Variants in GPRIN3 observed in about 807,000 individuals in gnomAD.
The protein encoded by GPRIN3 is G protein-regulated inducer of neurite outgrowth 3.
A neutral mutation model predicts 13.7 loss-of-function variants in GPRIN3; 12 were observed. The ratio of observed to expected loss-of-function variants is 0.87; its 90% CI spans 0.56 to 1.42. The LOEUF (loss-of-function observed/expected upper bound fraction) is 1.42. GPRIN3 is among the 40% of genes most tolerant of loss of function. The pLI is 0.00. For synonymous variants in GPRIN3, 377 were observed against 372.7 expected, an observed-to-expected ratio of 1.01 and a Z score of -0.13; for missense variants, 1,009 against 958.7, an observed-to-expected ratio of 1.05 and a Z score of -0.69.
chr4:89,272,553 T>A (rs376972086), intron 1 of GPRIN3, among the ~76,000 whole-genome samples: 12 of 152,344 alleles, frequency 7.9e-5, no homozygotes, highest in African/African-American at 2.9e-4. Flanking sequence ...TCTGAATTTG[T>A]TTGGTACTTT....
rs34315702 is a variant in GPRIN3 at position 89,300,334 on chromosome 4, T to A, written c.-124+7281A>T. ...GTTGGGCACAAGTGACTTATATAAA[T>A]GCTCAATGTCAGTGAGACATTGAGA... On this transcript the variant is annotated intron_variant, in intron 1 of 1. Transcript: ENST00000609438. 5.4e-3 allele frequency among the ~76,000 whole-genome samples: 822 copies of A among 152,210 alleles called. 3 individuals are homozygous for A. The highest frequency in any genetic ancestry group is 9.6e-3 in the Non-Finnish European group (653 of 68,002).
intron 1 of GPRIN3, among the ~76,000 whole-genome samples, chr4:89,258,646 T>G (rs927942048): frequency 1.3e-5 from 2 of 152,222 alleles, no homozygotes; most frequent in African/African-American, 4.8e-5. Flanking sequence ...TGACTCCACT[T>G]GGATTCCCTC....
Position 89,238,337 on chromosome 4 carries a change from G to A in GPRIN3, c.*9443C>T, listed in dbSNP as rs2149244262. On this transcript the variant is annotated 3_prime_UTR_variant, in exon 2 of 2. Transcript: ENST00000609438. ...TAGTGCTAGTTTTACTACTGGTCAAGTCAAACTGGGGATATGGCTGGGCTT... is the reference window on the plus strand; with the variant it reads ...TAGTGCTAGTTTTACTACTGGTCAAATCAAACTGGGGATATGGCTGGGCTT... The A allele has an allele frequency of 6.6e-6, 1 of 152,298 alleles. No individual in the cohort carries two copies. Among genetic ancestry groups the A allele is most frequent in the African/African-American group, 2.4e-5 (1 of 41,550 alleles). The allele number at this position is 152,298 out of a possible 1,614,324, so 9.4% of individuals were successfully genotyped here. A position where few individuals can be genotyped will look rare whatever the true frequency, so the allele number is the denominator to read the frequency against.
At chr4:89,275,410 A>G (rs546551498) in intron 1 of GPRIN3, among the ~76,000 whole-genome samples, 53 of 152,228 alleles carry the variant, frequency 3.5e-4, no homozygotes, top group Non-Finnish European at 5.7e-4. Flanking sequence ...GTCGAGAGCC[A>G]GCAGCCACTC....
rs1244868558 is a variant in GPRIN3 at position 89,240,865 on chromosome 4, T to C, written c.*6915A>G. ...GTGCCTATATATGTGGATAAGCTAT[T>C]TACATTTTTATGTGTAGAAAATGAA... On this transcript the variant is annotated 3_prime_UTR_variant, in exon 2 of 2. Coordinates refer to ENST00000609438, the MANE Select transcript of GPRIN3 (RefSeq NM_198281.3). The C allele has an allele frequency of 6.6e-6, 1 of 152,230 alleles. No individual in the cohort carries two copies. The highest frequency in any genetic ancestry group is 1.5e-5 in the Non-Finnish European group (1 of 68,038). 9.4% of individuals were successfully genotyped at this position (152,230 alleles called of 1,614,324 possible). A position where few individuals can be genotyped will look rare whatever the true frequency, so the allele number is the denominator to read the frequency against.
intron 1 of GPRIN3, among the ~76,000 whole-genome samples, chr4:89,266,673 C>T (rs1181696437): frequency 6.6e-6 from 1 of 152,076 alleles, no homozygotes; most frequent in Non-Finnish European, 1.5e-5. Flanking sequence ...AACTGCATCT[C>T]CCTATTGTAA....
Position 89,236,477 on chromosome 4 carries a change from AG to A in GPRIN3, c.*11302del, listed in dbSNP as rs1722799011. ...AATTGAGTGGTAAAGTTCAAGTGGA[AG>A]AAAGCAAAACTCAGAGGAGTAAGAG... On this transcript the variant is annotated 3_prime_UTR_variant, in exon 2 of 2. Coordinates refer to ENST00000609438, the MANE Select transcript of GPRIN3 (RefSeq NM_198281.3). The A allele has an allele frequency of 6.6e-6, 1 of 152,250 alleles. No homozygotes were observed. The highest frequency in any genetic ancestry group is 6.5e-5 in the Admixed American group (1 of 15,282). The allele number at this position is 152,250 out of a possible 1,614,324, so 9.4% of individuals were successfully genotyped here. A position where few individuals can be genotyped will look rare whatever the true frequency, so the allele number is the denominator to read the frequency against.
chr4:89,297,869 T>C (rs966852839), intron 1 of GPRIN3, among the ~76,000 whole-genome samples: 5 of 152,180 alleles, frequency 3.3e-5, no homozygotes, highest in African/African-American at 1.2e-4. Context: ...TAAGCAATTA[T>C]CTAAAACAGC....
intron 1 of GPRIN3, among the ~76,000 whole-genome samples, chr4:89,254,027 TC>T (rs1723401224): frequency 6.6e-6 from 1 of 151,886 alleles, no homozygotes; most frequent in Non-Finnish European, 1.5e-5. Flanking sequence ...TCAACCAGAG[TC>T]CATTATGGTA....
chr4:89,287,494 G>GA (rs1724455541), intron 1 of GPRIN3, among the ~76,000 whole-genome samples: 1 of 152,186 alleles, frequency 6.6e-6, no homozygotes, highest in South Asian at 2.1e-4. Flanking sequence ...TGGGCAGAGG[G>GA]AAGAGGCTAA....
intron 1 of GPRIN3, among the ~76,000 whole-genome samples, chr4:89,270,318 G>C (rs1478091291): frequency 3.5e-5 from 5 of 141,294 alleles, no homozygotes; most frequent in Non-Finnish European, 6.1e-5. Context: ...TCTCTTTTAT[G>C]GCAAAACAAA....
rs921649698 is a variant in GPRIN3, at chr4:89,237,228, G to A, written c.*10552C>T. Reference sequence around the variant, plus strand: ...GATATATTTAGAAAAACCAGCTTCAGAACATTGCTAAGGTAGTTACAAGGG... The same window carrying A: ...GATATATTTAGAAAAACCAGCTTCAAAACATTGCTAAGGTAGTTACAAGGG... On this transcript the variant is annotated 3_prime_UTR_variant, in exon 2 of 2. Transcript: ENST00000609438. The A allele has an allele frequency of 1.3e-5, 2 of 152,200 alleles. No individual in the cohort carries two copies. The highest frequency in any genetic ancestry group is 1.3e-4 in the Admixed American group (2 of 15,274). 9.4% of individuals were successfully genotyped at this position (152,200 alleles called of 1,614,324 possible). A position where few individuals can be genotyped will look rare whatever the true frequency, so the allele number is the denominator to read the frequency against.
chr4:89,249,812 GGATTGCC>G lies in GPRIN3; in HGVS notation c.292_298del (p.Gly98ProfsTer27). On this transcript the variant is annotated frameshift_variant, in exon 2 of 2. Coordinates refer to ENST00000609438, the MANE Select transcript of GPRIN3 (RefSeq NM_198281.3). LOFTEE classifies it low-confidence loss of function (END_TRUNC). ...GGGCTGGCTGCTCCCTGGCAGCTGG[GGATTGCC>G]GGGAGAGTTGAATGTGGCAGGTGCT... The G allele has an allele frequency of 6.2e-7, 1 of 1,614,176 alleles. No homozygotes were observed. The highest frequency in any genetic ancestry group is 8.5e-7 in the Non-Finnish European group (1 of 1,180,014).
intron 1 of GPRIN3, among the ~76,000 whole-genome samples, chr4:89,272,230 G>C (rs1723973728): frequency 1.3e-5 from 2 of 152,170 alleles, no homozygotes; most frequent in East Asian, 3.9e-4. Context: ...AATGGGGCCT[G>C]TATCTTAGCG....
rs1161748961 is a variant in GPRIN3, at chr4:89,242,436, ACTT to A, written c.*5341_*5343del. 2.0e-5 allele frequency: 3 copies of A among 152,158 alleles called. No homozygotes were observed. Among genetic ancestry groups the A allele is most frequent in the African/African-American group, 7.2e-5 (3 of 41,442 alleles). 9.4% of individuals were successfully genotyped at this position (152,158 alleles called of 1,614,324 possible). ...AGTTTAAAGTCTCCATTTCAACAAA[ACTT>A]CTGGTTGCAGCTGTCTTGAGTTTTA... On this transcript the variant is annotated 3_prime_UTR_variant, in exon 2 of 2. Coordinates refer to ENST00000609438, the MANE Select transcript of GPRIN3 (RefSeq NM_198281.3).
chr4:89,250,293 A>G lies in GPRIN3; in HGVS notation c.-123-60T>C. On this transcript the variant is annotated intron_variant, in intron 1 of 1. Coordinates refer to ENST00000609438, the MANE Select transcript of GPRIN3 (RefSeq NM_198281.3). ...ACGTCGCTTAAGGATTGAAAAATAAACCAAACTGTCGTTTTTATAAGAGCA... is the reference window on the plus strand; with the variant it reads ...ACGTCGCTTAAGGATTGAAAAATAAGCCAAACTGTCGTTTTTATAAGAGCA... 3 of 1,236,300 alleles carry G rather than the reference A, an allele frequency of 2.4e-6. No individual in the cohort carries two copies. The South Asian group carries it at 9.0e-5, about 37-fold the overall frequency. The allele number at this position is 1,236,300 out of a possible 1,614,324, so 76.6% of individuals were successfully genotyped here.
At position 89,249,775 on chromosome 4, in the gene GPRIN3, G is replaced by A. The variant is rs1723266279; in HGVS notation, c.336C>T (p.Ala112=). The A allele has an allele frequency of 1.2e-6, 2 of 1,614,172 alleles. No homozygotes were observed. Among genetic ancestry groups the A allele is most frequent in the Admixed American group, 1.7e-5 (1 of 60,032 alleles). Residue 112 remains alanine, a synonymous_variant, in exon 2 of 2, where the codon GCC becomes GCT. Transcript: ENST00000609438. ...GATCCCTTCCTGCTGCAGAACTCGGGGCTGATGCTGCGGGCTGGCTGCTCC... is the reference window on the plus strand; with the variant it reads ...GATCCCTTCCTGCTGCAGAACTCGGAGCTGATGCTGCGGGCTGGCTGCTCC... ...LPGSSQPAAS[A]PSSAAGRDLI... is the part of the protein sequence containing the mutation.
intron 1 of GPRIN3, among the ~76,000 whole-genome samples, chr4:89,254,687 T>A (rs1723421530): frequency 6.6e-6 from 1 of 152,208 alleles, no homozygotes; most frequent in Non-Finnish European, 1.5e-5. Flanking sequence ...GCAATGAACA[T>A]ACACATGCAT....
intron 1 of GPRIN3, among the ~76,000 whole-genome samples, chr4:89,277,558 A>T (rs748607532): frequency 2.6e-5 from 4 of 152,210 alleles, no homozygotes; most frequent in Non-Finnish European, 5.9e-5. Context: ...GGAGACTGCC[A>T]TGTCTTCCCC....
Sources: gnomAD v4.1 joint callset for allele counts (sites outside exome capture counted in the v4.1 genomes callset) on GRCh38, gnomAD v4.1.1 for gene constraint, MANE v1.5 for transcripts, NCBI Gene and HGNC (gene_info 2026-07-23, HGNC 2026-07-21) for gene names.